Variants in SETD2 observed in about 807,000 individuals in gnomAD.
SETD2 encodes SET domain containing 2, histone lysine methyltransferase.
In SETD2, 31 loss-of-function variants were observed where a neutral mutation model predicts 242.1. That is an observed-to-expected ratio of 0.13 (90% CI 0.10 to 0.17). The LOEUF is 0.17. Ranked by LOEUF, SETD2 falls within the 10% of genes least tolerant of loss-of-function variation. The probability of loss-of-function intolerance (pLI) is 1.00; values close to 1 mark genes in which losing one functional copy is unlikely to be tolerated. For synonymous variants in SETD2, 1,006 were observed against 1,066.5 expected (o/e 0.94, Z 1.11); for missense variants, 2,481 against 3,046.3 (o/e 0.81, Z 4.37).
At chr3:47,129,385 T>C (rs1176684958) in intron 1 of SETD2, among the ~76,000 whole-genome samples, 2 of 152,206 alleles carry the variant, frequency 1.3e-5, no homozygotes, top group African/African-American at 4.8e-5. Context: ...CTGTTAACAC[T>C]TTGATCTACA....
At position 47,056,094 on chromosome 3, in the gene SETD2, T is replaced by TTTTTATTTATTTATTTA. The variant is rs1421586594; in HGVS notation, c.6963+726_6963+727insTAAATAAATAAATAAAA. On this transcript the variant is annotated intron_variant, in intron 15 of 20. Transcript: ENST00000409792. The stretch of plus-strand genomic sequence containing the variant: ...AAAAAAAAAGAAAAGAAAACATGAT[T>TTTTTATTTATTTATTTA]TTTATTTATTTATTTATTTATTTAT... Among the ~76,000 whole-genome samples, 16 of 116,422 alleles carry TTTTTATTTATTTATTTA rather than the reference T, an allele frequency of 1.4e-4. No individual in the cohort carries two copies. In the South Asian group the frequency reaches 2.5e-3, roughly 18 times the overall value. The allele number at this position is 116,422 out of a possible 152,430, so 76.4% of individuals were successfully genotyped here.
At chr3:47,059,346 C>T (rs1478387436) in intron 14 of SETD2, among the ~76,000 whole-genome samples, 1 of 151,574 alleles carries the variant, frequency 6.6e-6, no homozygotes, top group African/African-American at 2.4e-5. Context: ...AAACTCCTGA[C>T]CTCAAGTGAT....
chr3:47,102,570 C>A (rs1042867305), intron 7 of SETD2, among the ~76,000 whole-genome samples: 2 of 152,080 alleles, frequency 1.3e-5, no homozygotes, highest in Non-Finnish European at 2.9e-5. Flanking sequence ...GGGGGTGGAT[C>A]GCTTGAGGCC....
At chr3:47,105,167 T>A (rs749495046) in intron 6 of SETD2, among the ~76,000 whole-genome samples, 1 of 152,126 alleles carries the variant, frequency 6.6e-6, no homozygotes, top group Non-Finnish European at 1.5e-5. Context: ...ACCAGTACTT[T>A]GGGAGGCTGA....
chr3:47,048,879 G>C (rs1035604538), intron 15 of SETD2, among the ~76,000 whole-genome samples: 1 of 151,900 alleles, frequency 6.6e-6, no homozygotes, highest in Non-Finnish European at 1.5e-5. Flanking sequence ...TGTTGGCCAG[G>C]ATGGTCTCCA....
At position 47,120,807 on chromosome 3, in the gene SETD2, T is replaced by C. The variant is rs2107746231; in HGVS notation, c.3829A>G (p.Ser1277Gly). Reference sequence around the variant, plus strand: ...TTGTGTCCACCACAAGCTCCATAGCTACTGTCAGGTTGCTGATACGTGGTA... The same window carrying C: ...TTGTGTCCACCACAAGCTCCATAGCCACTGTCAGGTTGCTGATACGTGGTA... ...PSTTYQQPDS[S>G]YGACGGHKYQ... The change falls in exon 3 of 21, where the codon AGC becomes GGC. Residue 1277 changes from serine (S) to glycine (G), a missense_variant. This residue lies in a region of SETD2 where 1,300 missense variants were observed against 1,259.2 expected (regional missense o/e 1.03). Coordinates refer to ENST00000409792, the MANE Select transcript of SETD2 (RefSeq NM_014159.7). 1 of 1,614,258 alleles carries C rather than the reference T, an allele frequency of 6.2e-7. No individual in the cohort carries two copies. Among genetic ancestry groups the C allele is most frequent in the Non-Finnish European group, 8.5e-7 (1 of 1,180,040 alleles).
At chr3:47,056,678 TCA>T in intron 15 of SETD2, 141 bp downstream of exon 15, 1 of 669,548 alleles carries the variant, frequency 1.5e-6, no homozygotes, top group Non-Finnish European at 2.5e-6. Flanking sequence ...TGGCAATATT[TCA>T]CACAATAGAT....
intron 17 of SETD2, among the ~76,000 whole-genome samples, chr3:47,041,088 G>A (rs956902525): frequency 1.3e-5 from 2 of 152,268 alleles, no homozygotes; most frequent in South Asian, 4.1e-4. Context: ...CTATCAATGA[G>A]AGTGAGTTAA....
chr3:47,129,608 G>A (rs2043430076), intron 1 of SETD2, among the ~76,000 whole-genome samples: 1 of 152,210 alleles, frequency 6.6e-6, no homozygotes, highest in Admixed American at 6.5e-5. Flanking sequence ...GATACAGGCT[G>A]GGCGCAGTGG....
intron 15 of SETD2, among the ~76,000 whole-genome samples, chr3:47,047,227 G>A (rs900493755): frequency 2.6e-5 from 4 of 152,190 alleles, no homozygotes; most frequent in East Asian, 1.9e-4. Flanking sequence ...AGTGTTCTAT[G>A]ATGCAAGAAG....
intron 15 of SETD2, among the ~76,000 whole-genome samples, chr3:47,048,746 C>T (rs1049076338): frequency 6.6e-6 from 1 of 152,186 alleles, no homozygotes; most frequent in African/African-American, 2.4e-5. Flanking sequence ...GGGCTCACTG[C>T]AACCTCCACC....
At chr3:47,037,855 T>C in intron 17 of SETD2, 78 bp from the exon 18 acceptor site, 6 of 959,586 alleles carry the variant, frequency 6.3e-6, no homozygotes, top group Non-Finnish European at 6.7e-6. Flanking sequence ...TGCTCATACA[T>C]ACATAAAATA....
At chr3:47,127,562 T>C in intron 1 of SETD2, 1 of 452,948 alleles carries the variant, frequency 2.2e-6, no homozygotes, top group South Asian at 1.6e-5. Context: ...ACCTCATCTC[T>C]CTTAAAAATA....
intron 18 of SETD2, among the ~76,000 whole-genome samples, chr3:47,035,471 C>T (rs1213364650): frequency 6.6e-6 from 1 of 152,226 alleles, no homozygotes; most frequent in Non-Finnish European, 1.5e-5. Flanking sequence ...TACTTGGCCC[C>T]TACTTCTCAG....
Position 47,074,834 on chromosome 3 carries a change from G to C in SETD2, c.6061-7716C>G, listed in dbSNP as rs78666585. 9.9e-3 allele frequency among the ~76,000 whole-genome samples: 1,510 copies of C among 152,282 alleles called. 31 individuals carry two copies. The highest frequency in any genetic ancestry group is 0.035 in the African/African-American group (1,456 of 41,562). On this transcript the variant is annotated intron_variant, in intron 12 of 20. Transcript: ENST00000409792. Reference sequence around the variant, plus strand: ...TCCTGAAGTTCAATTATGGATCACAGATTAAAAATCTCTGCAGTAGGCCGG... The same window carrying C: ...TCCTGAAGTTCAATTATGGATCACACATTAAAAATCTCTGCAGTAGGCCGG...
chr3:47,019,614 C>T, intron 19 of SETD2, 146 bp downstream of exon 19: 1 of 646,002 alleles, frequency 1.5e-6, no homozygotes, highest in South Asian at 1.9e-5. Flanking sequence ...CTAAAAGAAG[C>T]ACTTCAGCAA....
intron 14 of SETD2, among the ~76,000 whole-genome samples, chr3:47,061,173 A>G (rs1250482267): frequency 2.6e-5 from 4 of 152,038 alleles, no homozygotes; most frequent in Admixed American, 6.6e-5. Context: ...AGCCGAGATC[A>G]TGCCACTGCA....
chr3:47,033,079 T>C (rs1457993320), intron 18 of SETD2, among the ~76,000 whole-genome samples: 7 of 152,178 alleles, frequency 4.6e-5, no homozygotes. Context: ...CAAAGGTTCA[T>C]ATTCTTTTAC....
At chr3:47,043,127 A>T (rs2039362144) in intron 16 of SETD2, among the ~76,000 whole-genome samples, 1 of 152,146 alleles carries the variant, frequency 6.6e-6, no homozygotes, top group South Asian at 2.1e-4. Flanking sequence ...CCGTACTTGA[A>T]ACCTCAAAAC....
Sources: gnomAD v4.1 joint callset for allele counts (sites outside exome capture counted in the v4.1 genomes callset) on GRCh38, gnomAD v4.1.1 for gene constraint, gnomAD v4.1.1 regional missense constraint, MANE v1.5 for transcripts, NCBI Gene and HGNC (gene_info 2026-07-23, HGNC 2026-07-21) for gene names.